SQSTM1: variants seen among roughly 807,000 people sequenced by gnomAD.
SQSTM1 encodes sequestosome-1.
SQSTM1 carries 36 observed loss-of-function variants against 45.1 expected under a neutral mutation model. The ratio of observed to expected loss-of-function variants is 0.80; its 90% CI spans 0.61 to 1.05. SQSTM1 has a LOEUF of 1.05. Among genes scored for constraint, SQSTM1 ranks in the 50% least tolerant of loss-of-function variants. The pLI, the probability that SQSTM1 is intolerant of heterozygous loss-of-function variation, is 0.00. For synonymous variants in SQSTM1, 290 were observed against 244.3 expected, an observed-to-expected ratio of 1.19 and a Z score of -1.74; for missense variants, 617 against 607.1, an observed-to-expected ratio of 1.02 and a Z score of -0.17.
upstream of SQSTM1, among the ~76,000 whole-genome samples, chr5:179,819,282 G>C (rs1757681230): frequency 6.6e-6 from 1 of 152,222 alleles, no homozygotes; most frequent in East Asian, 1.9e-4. Flanking sequence ...GTCCACCCCA[G>C]CTTCCCAAAG....
chr5:179,807,270 T>C (rs1308781661), intron 1 of SQSTM1: 1 of 151,958 alleles, frequency 6.6e-6, no homozygotes, highest in Non-Finnish European at 1.5e-5. Context: ...CGGGGCTCTT[T>C]CCCGGGCGTG....
upstream of SQSTM1, among the ~76,000 whole-genome samples, chr5:179,815,658 G>A (rs142586772): frequency 8.7e-4 from 132 of 152,192 alleles, no homozygotes; most frequent in African/African-American, 3.1e-3. Context: ...CGCCAGCGTG[G>A]GTCACATGTC....
intron 1 of SQSTM1, chr5:179,821,732 G>A: frequency 3.1e-6 from 1 of 321,480 alleles, no homozygotes; most frequent in South Asian, 2.2e-5. Flanking sequence ...TTTTCCCATT[G>A]GCAAGTGGAC....
chr5:179,837,890 A>C lies in SQSTM1; in HGVS notation c.*1297A>C. 1 of 1,600,886 alleles carries C rather than the reference A, an allele frequency of 6.2e-7. No homozygotes were observed. Among genetic ancestry groups the C allele is most frequent in the Admixed American group, 1.7e-5 (1 of 59,936 alleles). On this transcript the variant is annotated 3_prime_UTR_variant, in exon 8 of 8. Transcript: ENST00000389805. ...CCATGTCAGGCCAGCCTGTCCCTGA[A>C]AGAGAAGATGGCCATGCCCTCCATG...
intron 2 of SQSTM1, chr5:179,813,097 A>G (rs992467614): frequency 1.3e-5 from 2 of 151,726 alleles, no homozygotes; most frequent in Admixed American, 1.3e-4. Context: ...AAAAGTTTGG[A>G]AGCCCTGCCC....
At chr5:179,823,396 G>A (rs1160033108) in intron 2 of SQSTM1, among the ~76,000 whole-genome samples, 6 of 133,474 alleles carry the variant, frequency 4.5e-5, no homozygotes, top group Admixed American at 8.5e-5. Flanking sequence ...CCTGGAGAGC[G>A]GAGGTTGCCA....
At position 179,833,733 on chromosome 5, in the gene SQSTM1, G is replaced by A. The variant is rs752937017; in HGVS notation, c.1116G>A (p.Glu372=). The A allele has an allele frequency of 6.2e-7, 1 of 1,614,134 alleles. No individual in the cohort carries two copies. Among genetic ancestry groups the A allele is most frequent in the South Asian group, 1.1e-5 (1 of 91,084 alleles). The change falls in exon 7 of 8, where the codon GAG becomes GAA. Residue 372 remains glutamate (E), a synonymous_variant. Transcript: ENST00000389805. ...EGPSSLDPSQ[E]GPTGLKEAAL... Reference sequence around the variant, plus strand: ...CAAGCTCTCTGGACCCCTCCCAGGAGGGACCCACAGGGCTGAAGGAAGCTG... The same window carrying A: ...CAAGCTCTCTGGACCCCTCCCAGGAAGGACCCACAGGGCTGAAGGAAGCTG...
upstream of SQSTM1, among the ~76,000 whole-genome samples, chr5:179,819,814 T>C (rs1034350075): frequency 3.3e-5 from 5 of 152,204 alleles, no homozygotes; most frequent in East Asian, 1.9e-4. Context: ...CATTCACACC[T>C]GTGGACCAGC....
intron 1 of SQSTM1, chr5:179,822,373 G>T: frequency 5.8e-6 from 1 of 173,710 alleles, no homozygotes; most frequent in Non-Finnish European, 1.3e-5. Flanking sequence ...CCTCACCTGT[G>T]CCCTCGGTGG....
rs1211094815 is a variant in SQSTM1 at position 179,824,473 on chromosome 5, A to AG, written c.673+151dup. ...CTACAATCACACAAGAACCCTGCAA[A>AG]GTGGGGTGTATTCTCTCCATTTCCC... is the stretch of plus-strand genomic sequence containing the variant. On this transcript the variant is annotated intron_variant, in intron 4 of 7. Coordinates refer to ENST00000389805, the MANE Select transcript of SQSTM1 (RefSeq NM_003900.5). 1.8e-5 allele frequency: 22 copies of AG among 1,231,372 alleles called. No homozygotes were observed. In the African/African-American group the frequency reaches 2.8e-4, roughly 16 times the overall value. 76.3% of individuals were successfully genotyped at this position (1,231,372 alleles called of 1,614,324 possible).
chr5:179,824,187 C>T lies in SQSTM1; in HGVS notation c.537C>T (p.Phe179=). The part of the protein sequence containing the change: ...PSPFGHLSEG[F]SHSRWLRKVK... ...TCTGCTAATTCCTCCCCCAGGGCTT[C>T]TCGCACAGCCGCTGGCTCCGGAAGG... Residue 179 remains phenylalanine (F), a synonymous_variant, in exon 4 of 8, where the codon TTC becomes TTT. Transcript: ENST00000389805. 6.2e-7 allele frequency: 1 copy of T among 1,613,794 alleles called. No homozygotes were observed.
rs140491372 is a variant in SQSTM1, at chr5:179,830,650, C to T, written c.755-2382C>T. Among the ~76,000 whole-genome samples, 338 of 152,114 alleles carry T rather than the reference C, an allele frequency of 2.2e-3. 1 individual carries two copies. Among genetic ancestry groups the T allele is most frequent in the African/African-American group, 7.7e-3 (319 of 41,480 alleles). Reference sequence around the variant, plus strand: ...CTCAGCTCACTGCAGTTTCCACCTCCTGGGTTCAAGCAATTTTCTGCCTCA... The same window carrying T: ...CTCAGCTCACTGCAGTTTCCACCTCTTGGGTTCAAGCAATTTTCTGCCTCA... On this transcript the variant is annotated intron_variant, in intron 5 of 7. Coordinates refer to ENST00000389805, the MANE Select transcript of SQSTM1 (RefSeq NM_003900.5).
At chr5:179,811,354 AGGAGCTATGCAGGGGGAGGAGCATGCAGG>A (rs1757393116) in intron 1 of SQSTM1, among the ~76,000 whole-genome samples, 2 of 69,812 alleles carry the variant, frequency 2.9e-5, no homozygotes, top group African/African-American at 5.6e-5. Flanking sequence ...ATGCAGGGGG[AGGAGCTATGCAGGGGGAGGAGCATGCAGG>A]GGGAGGAGCT....
chr5:179,820,927 G>C lies in SQSTM1; in HGVS notation c.-10G>C. ...GGGACGGCCCGTTTTCCGCCAGCTC[G>C]CCGCTCGCTATGGCGTCGCTCACCG... On this transcript the variant is annotated 5_prime_UTR_variant, in exon 1 of 8. Coordinates refer to ENST00000389805, the MANE Select transcript of SQSTM1 (RefSeq NM_003900.5). 2 of 1,528,430 alleles carry C rather than the reference G, an allele frequency of 1.3e-6. No homozygotes were observed. The highest frequency in any genetic ancestry group is 1.8e-6 in the Non-Finnish European group (2 of 1,139,826). The allele number at this position is 1,528,430 out of a possible 1,614,324, so 94.7% of individuals were successfully genotyped here. A position where few individuals can be genotyped will look rare whatever the true frequency, so the allele number is the denominator to read the frequency against.
upstream of SQSTM1, among the ~76,000 whole-genome samples, chr5:179,814,712 C>T (rs754331538): frequency 3.9e-5 from 6 of 152,154 alleles, no homozygotes; most frequent in African/African-American, 7.2e-5. Context: ...GGTCCTTGGC[C>T]AGAATTAATC....
At chr5:179,816,102 A>G (rs570890599), upstream of SQSTM1, among the ~76,000 whole-genome samples, 1 of 152,270 alleles carries the variant, frequency 6.6e-6, no homozygotes, top group African/African-American at 2.4e-5. Context: ...CCTGCTGGGA[A>G]GCATTGGGAG....
rs756209668 is a variant in SQSTM1 at position 179,823,902 on chromosome 5, G to C, written c.346G>C (p.Glu116Gln). Reference sequence around the variant, plus strand: ...GGACCACCGCCCACCGTGTGCTCAGGAGGCGCCCCGCAACATGGTGCACCC... The same window carrying C: ...GGACCACCGCCCACCGTGTGCTCAGCAGGCGCCCCGCAACATGGTGCACCC... ...RRDHRPPCAQ[E>Q]APRNMVHPNV... The change falls in exon 3 of 8, where the codon GAG (glutamate) becomes CAG (glutamine). Residue 116 changes from glutamate to glutamine, a missense_variant. Transcript: ENST00000389805. 26 of 1,613,472 alleles carry C rather than the reference G, an allele frequency of 1.6e-5. No homozygotes were observed. The South Asian group carries it at 2.9e-4, about 18-fold the overall frequency.
At chr5:179,833,843 C>G in intron 7 of SQSTM1, 61 bp downstream of exon 7, 2 of 1,562,658 alleles carry the variant, frequency 1.3e-6, no homozygotes, top group South Asian at 2.2e-5. Flanking sequence ...ATCCTGCCCT[C>G]CTCTGATTTC....
At chr5:179,834,763 C>G (rs1451320649) in intron 7 of SQSTM1, among the ~76,000 whole-genome samples, 1 of 152,240 alleles carries the variant, frequency 6.6e-6, no homozygotes, top group South Asian at 2.1e-4. Context: ...AAGAATTTTT[C>G]TTAGTACAGA....
Sources: gnomAD v4.1 joint callset for allele counts (sites outside exome capture counted in the v4.1 genomes callset) on GRCh38, gnomAD v4.1.1 for gene constraint, MANE v1.5 for transcripts, NCBI Gene and HGNC (gene_info 2026-07-23, HGNC 2026-07-21) for gene names.